ADAMTS9: variants seen among roughly 807,000 people sequenced by gnomAD.
ADAMTS9 encodes A disintegrin and metalloproteinase with thrombospondin motifs 9.
ADAMTS9 carries 107 observed loss-of-function variants against 257.1 expected under a neutral mutation model. The ratio of observed to expected loss-of-function variants is 0.42; its 90% CI spans 0.36 to 0.49. The LOEUF is 0.49. Ranked by LOEUF, ADAMTS9 falls within the 20% of genes least tolerant of loss-of-function variation. The probability of loss-of-function intolerance (pLI) is 0.03; values close to 1 mark genes in which losing one functional copy is unlikely to be tolerated. For synonymous variants in ADAMTS9, 982 were observed against 880.9 expected, an observed-to-expected ratio of 1.11 and a Z score of -2.03; for missense variants, 2,353 against 2,469.1, an observed-to-expected ratio of 0.95 and a Z score of 1.00.
Position 64,516,724 on chromosome 3 carries a change from A to T in ADAMTS9, c.*403T>A, listed in dbSNP as rs1046461023. ...ACCTTGATGATGGCTAGATTGTTTTAAAAAAATTCATTTTAAAAAAGTAAC... is the reference window on the plus strand; with the variant it reads ...ACCTTGATGATGGCTAGATTGTTTTTAAAAAATTCATTTTAAAAAAGTAAC... On this transcript the variant is annotated 3_prime_UTR_variant, in exon 40 of 40. Coordinates refer to ENST00000498707, the MANE Select transcript of ADAMTS9 (RefSeq NM_182920.2). The T allele has an allele frequency of 1.2e-4, 18 of 152,726 alleles. 1 individual carries two copies. The highest frequency in any genetic ancestry group is 7.2e-4 in the Admixed American group (11 of 15,284). 9.5% of individuals were successfully genotyped at this position (152,726 alleles called of 1,614,324 possible). A position where few individuals can be genotyped will look rare whatever the true frequency, so the allele number is the denominator to read the frequency against.
intron 4 of ADAMTS9, among the ~76,000 whole-genome samples, chr3:64,658,195 C>A (rs1425858392): frequency 6.6e-6 from 1 of 152,210 alleles, no homozygotes; most frequent in Non-Finnish European, 1.5e-5. Context: ...TCCTCTGAGA[C>A]TCAGTTTTCT....
chr3:64,588,677 C>T (rs1331592693), intron 28 of ADAMTS9: 1 of 152,150 alleles, frequency 6.6e-6, no homozygotes, highest in East Asian at 1.9e-4. Context: ...ACACTCCTAA[C>T]CCTGCTCCCC....
At chr3:64,655,550 A>T in intron 6 of ADAMTS9, 26 bp downstream of exon 6, 1 of 1,561,692 alleles carries the variant, frequency 6.4e-7, no homozygotes, top group Non-Finnish European at 8.8e-7. Context: ...AGACTGAAAG[A>T]TCTGAGGAAT....
chr3:64,635,575 A>G (rs1259520298), intron 12 of ADAMTS9, among the ~76,000 whole-genome samples: 4 of 152,128 alleles, frequency 2.6e-5, no homozygotes, highest in African/African-American at 7.2e-5. Flanking sequence ...TCTCCTTCAT[A>G]TCTTGTCCAA....
At chr3:64,578,168 T>C (rs1443285976) in intron 28 of ADAMTS9, among the ~76,000 whole-genome samples, 3 of 152,160 alleles carry the variant, frequency 2.0e-5, no homozygotes, top group Non-Finnish European at 4.4e-5. Flanking sequence ...TCAAATTAGA[T>C]GCTCATCCTC....
intron 37 of ADAMTS9, among the ~76,000 whole-genome samples, chr3:64,537,478 C>T (rs2083065647): frequency 6.6e-6 from 1 of 152,142 alleles, no homozygotes; most frequent in Non-Finnish European, 1.5e-5. Context: ...GGAAGAAAGG[C>T]TCTTTTTACC....
intron 29 of ADAMTS9, among the ~76,000 whole-genome samples, chr3:64,562,083 T>A (rs1055443358): frequency 6.6e-6 from 1 of 152,190 alleles, no homozygotes; most frequent in Admixed American, 6.5e-5. Flanking sequence ...CCATGAGAAA[T>A]GAAAACTTGA....
intron 16 of ADAMTS9, among the ~76,000 whole-genome samples, chr3:64,625,483 C>T (rs1285400101): frequency 6.6e-6 from 1 of 152,126 alleles, no homozygotes; most frequent in Non-Finnish European, 1.5e-5. Context: ...ATTTGTGGTT[C>T]AGCAGCAGCA....
chr3:64,541,494 TC>T, intron 34 of ADAMTS9, 31 bp downstream of exon 34: 2 of 1,609,124 alleles, frequency 1.2e-6, no homozygotes, highest in Non-Finnish European at 1.7e-6. Context: ...CTAAAAACAT[TC>T]TTGAAATAAT....
chr3:64,649,722 G>C lies in ADAMTS9; in HGVS notation c.1520C>G (p.Pro507Arg). 1.9e-6 allele frequency: 3 copies of C among 1,614,090 alleles called. No homozygotes were observed. Among genetic ancestry groups the C allele is most frequent in the Non-Finnish European group, 2.5e-6 (3 of 1,179,992 alleles). ...NEPESRPYPLPVQLPGILYNV... is the reference protein window; with the variant it reads ...NEPESRPYPLRVQLPGILYNV... ...GTAAAGGATGCCTGGCAGTTGGACA[G>C]GCAAAGGGTAGGGTCTGGATTCAGG... The change falls in exon 10 of 40, where the codon CCT (proline) becomes CGT (arginine). Residue 507 changes from proline (P) to arginine (R), a missense_variant. Pro to Arg is a moderately radical substitution (Grantham distance 103, BLOSUM62 -2). Coordinates refer to ENST00000498707, the MANE Select transcript of ADAMTS9 (RefSeq NM_182920.2).
At chr3:64,642,677 G>A (rs566035116) in intron 11 of ADAMTS9, among the ~76,000 whole-genome samples, 111 of 152,326 alleles carry the variant, frequency 7.3e-4, no homozygotes, top group Admixed American at 2.4e-3. Flanking sequence ...AAGCCATTCC[G>A]ACCCTCTGCC....
chr3:64,533,779 G>A (rs2083012702), intron 37 of ADAMTS9, among the ~76,000 whole-genome samples: 1 of 152,168 alleles, frequency 6.6e-6, no homozygotes, highest in Non-Finnish European at 1.5e-5. Context: ...AAGAAGAGGC[G>A]CTTTCCCCAG....
intron 18 of ADAMTS9, among the ~76,000 whole-genome samples, chr3:64,621,445 G>A (rs1348221518): frequency 6.6e-6 from 1 of 152,138 alleles, no homozygotes; most frequent in Non-Finnish European, 1.5e-5. Context: ...TGTCATGACT[G>A]TGTTCCAATA....
chr3:64,651,483 C>T (rs1700930136), intron 8 of ADAMTS9, among the ~76,000 whole-genome samples: 1 of 152,090 alleles, frequency 6.6e-6, no homozygotes, highest in South Asian at 2.1e-4. Context: ...TGCTAGAATA[C>T]AGTAGTTGGA....
rs147844520 is a variant in ADAMTS9 at position 64,559,399 on chromosome 3, C to T, written c.4698+2179G>A. ...CATAGGAGATACTCCTATGATATTC[C>T]GTCCACTTTCACCACCCCAGTATTC... is the stretch of plus-strand genomic sequence containing the variant. On this transcript the variant is annotated intron_variant, in intron 30 of 39. Coordinates refer to ENST00000498707, the MANE Select transcript of ADAMTS9 (RefSeq NM_182920.2). 1.2e-4 allele frequency among the ~76,000 whole-genome samples: 19 copies of T among 152,246 alleles called. No homozygotes were observed. In the South Asian group the frequency reaches 2.5e-3, roughly 20 times the overall value.
At chr3:64,577,435 C>A (rs1420460042) in intron 28 of ADAMTS9, among the ~76,000 whole-genome samples, 2 of 152,146 alleles carry the variant, frequency 1.3e-5, no homozygotes, top group Non-Finnish European at 2.9e-5. Context: ...GAAGATAATA[C>A]AAGGACCCAC....
Position 64,639,315 on chromosome 3 carries a change from A to ATTTTTT in ADAMTS9, c.1856+2532_1856+2533insAAAAAA, listed in dbSNP as rs1458635047. Among the ~76,000 whole-genome samples, 452 of 63,660 alleles carry ATTTTTT rather than the reference A, an allele frequency of 7.1e-3. 1 individual carries two copies. The highest frequency in any genetic ancestry group is 0.027 in the African/African-American group (399 of 14,538). 41.8% of individuals were successfully genotyped at this position (63,660 alleles called of 152,430 possible). ...ATTGTTTTTTTTTTTTTTTTTTTAA[A>ATTTTTT]AAAAAAAAAAAAAAAACCTCCCATA... On this transcript the variant is annotated intron_variant, in intron 12 of 39. Transcript: ENST00000498707.
intron 12 of ADAMTS9, among the ~76,000 whole-genome samples, chr3:64,639,315 A>ATTTTT (rs1458635047): frequency 0.015 from 958 of 63,562 alleles, 15 homozygotes; most frequent in African/African-American, 0.061. Context: ...TTTTTTTTAA[A>ATTTTT]AAAAAAAAAA....
intron 28 of ADAMTS9, chr3:64,592,829 C>G (rs1453031092): frequency 6.6e-6 from 1 of 151,670 alleles, no homozygotes; most frequent in African/African-American, 2.4e-5. Flanking sequence ...AGCTAGTAGA[C>G]TTTCTAAAAC....
Sources: allele counts gnomAD v4.1 joint callset (sites outside exome capture counted in the v4.1 genomes callset), GRCh38; gene constraint gnomAD v4.1.1; transcripts MANE v1.5; gene names NCBI Gene and HGNC (gene_info 2026-07-23, HGNC 2026-07-21).